The following TAS1R1 variants were observed in gnomAD, a reference collection of about 807,000 sequenced individuals.
TAS1R1 encodes taste receptor type 1 member 1.
Under a neutral mutation model 45.8 loss-of-function variants are expected in TAS1R1, and 31 were observed. That is an observed-to-expected ratio of 0.68 (90% CI 0.51 to 0.91). The LOEUF (loss-of-function observed/expected upper bound fraction) is 0.91, where lower values mean the gene tolerates loss of function less well. TAS1R1 is among the 40% of genes least tolerant of loss of function. TAS1R1 has a pLI of 0.00. For synonymous variants in TAS1R1, 437 were observed against 448.4 expected, an observed-to-expected ratio of 0.97 and a Z score of 0.32; for missense variants, 1,051 against 1,063.9, an observed-to-expected ratio of 0.99 and a Z score of 0.17.
chr1:6,573,546 A>G (rs1371530482), intron 2 of TAS1R1, among the ~76,000 whole-genome samples: 2 of 152,112 alleles, frequency 1.3e-5, no homozygotes, highest in Non-Finnish European at 2.9e-5. Flanking sequence ...GTGGCCCCCA[A>G]CCTTTTCGGC....
At chr1:6,573,231 G>A (rs2148673899) in intron 2 of TAS1R1, among the ~76,000 whole-genome samples, 1 of 152,296 alleles carries the variant, frequency 6.6e-6, no homozygotes, top group Admixed American at 6.5e-5. Flanking sequence ...GGCTAAGGTG[G>A]GCAGCTCATG....
In TAS1R1 at chr1:6,579,086, C is replaced by T. The variant is rs1057118601; in HGVS notation, c.2028C>T (p.Asn676=). ...CATTCTACCACGCCTGGGTCCAAAA[C>T]CACGGTGCTGGCCTGTTTGTGATGA... ...VPTFYHAWVQ[N]HGAGLFVMIS... Residue 676 remains asparagine (N), a synonymous_variant, in exon 6 of 6, where the codon AAC becomes AAT. Coordinates refer to ENST00000333172, the MANE Select transcript of TAS1R1 (RefSeq NM_138697.4). The T allele has an allele frequency of 6.2e-7, 1 of 1,613,748 alleles. No homozygotes were observed. Among genetic ancestry groups the T allele is most frequent in the Admixed American group, 1.7e-5 (1 of 59,990 alleles).
Position 6,571,226 on chromosome 1 carries a change from G to T in TAS1R1, c.498+11G>T. ...TTCCTGGTGCCCATGGTAAGCTGGA[G>T]CCTCAGACCTTTGCCCATCTCCCTT... is the stretch of plus-strand genomic sequence containing the variant. On this transcript the variant is annotated intron_variant, in intron 2 of 5. Transcript: ENST00000333172. The T allele has an allele frequency of 3.2e-6, 5 of 1,544,790 alleles. No homozygotes were observed. Among genetic ancestry groups the T allele is most frequent in the Non-Finnish European group, 4.4e-6 (5 of 1,146,410 alleles).
At chr1:6,561,357 A>G (rs116404535) in intron 1 of TAS1R1, among the ~76,000 whole-genome samples, 2 of 152,110 alleles carry the variant, frequency 1.3e-5, no homozygotes, top group African/African-American at 4.8e-5. Flanking sequence ...TGCGCAGTCC[A>G]CCTTTTTCGG....
chr1:6,557,002 C>T (rs1344758192), intron 1 of TAS1R1, among the ~76,000 whole-genome samples: 1 of 90,060 alleles, frequency 1.1e-5, no homozygotes, highest in African/African-American at 4.3e-5. Flanking sequence ...GAGCGAGGCT[C>T]CATCTCAAAA....
At chr1:6,564,613 G>C (rs1327462767) in intron 1 of TAS1R1, among the ~76,000 whole-genome samples, 1 of 152,108 alleles carries the variant, frequency 6.6e-6, no homozygotes, top group Admixed American at 6.6e-5. Flanking sequence ...GTTCAGTATG[G>C]GATATGGAGG....
chr1:6,562,101 AC>A (rs1439194392), intron 1 of TAS1R1, among the ~76,000 whole-genome samples: 23 of 152,214 alleles, frequency 1.5e-4, no homozygotes, highest in South Asian at 2.1e-4. Flanking sequence ...ACATATGGCT[AC>A]TTGAGATAAT....
Position 6,555,322 on chromosome 1 carries a change from G to A in TAS1R1, c.-52G>A. 2 of 1,478,642 alleles carry A rather than the reference G, an allele frequency of 1.4e-6. No individual in the cohort carries two copies. The highest frequency in any genetic ancestry group is 1.4e-5 in the African/African-American group (1 of 71,680). 91.6% of individuals were successfully genotyped at this position (1,478,642 alleles called of 1,614,324 possible). A position where few individuals can be genotyped will look rare whatever the true frequency, so the allele number is the denominator to read the frequency against. On this transcript the variant is annotated 5_prime_UTR_variant, in exon 1 of 6. Transcript: ENST00000333172. ...CAGCTGCCTTCTATTTAAGCAACTG[G>A]CCTCCTTAGAGGCCACTCCTTGGCC...
In TAS1R1 at chr1:6,576,371, G is replaced by T. The variant is rs746223493; in HGVS notation, c.1261-44G>T. The T allele has an allele frequency of 1.1e-5, 18 of 1,599,142 alleles. No individual in the cohort carries two copies. In the East Asian group the frequency reaches 3.1e-4, roughly 28 times the overall value. On this transcript the variant is annotated intron_variant, in intron 3 of 5. Transcript: ENST00000333172. The stretch of plus-strand genomic sequence containing the variant: ...GGCCCTTGCTTCTGGGACCATGTGG[G>T]TCTGTGCTGTCTGTGGTGGCTTCAT...
Position 6,571,135 on chromosome 1 carries a change from G to C in TAS1R1, c.418G>C (p.Val140Leu), listed in dbSNP as rs755957533. 3 of 1,612,460 alleles carry C rather than the reference G, an allele frequency of 1.9e-6. No homozygotes were observed. The highest frequency in any genetic ancestry group is 2.5e-6 in the Non-Finnish European group (3 of 1,179,072). Residue 140 changes from valine to leucine, a missense_variant, in exon 2 of 6, where the codon GTG becomes CTG. Transcript: ENST00000333172. ...AGACCTTCTCCACTATTCCCCTACG[G>C]TGCTGGCAGTGATTGGGCCTGACAG... ...QGDLLHYSPT[V>L]LAVIGPDSTN...
chr1:6,575,518 T>TTTTGG, intron 3 of TAS1R1, 126 bp downstream of exon 3: 1 of 1,119,740 alleles, frequency 8.9e-7, no homozygotes, highest in Non-Finnish European at 1.2e-6. Flanking sequence ...AGGTTTTTTG[T>TTTTGG]TTTGTTTTGT....
chr1:6,570,868 CT>C lies in TAS1R1; in HGVS notation c.192-38del. 2.6e-6 allele frequency: 4 copies of C among 1,553,528 alleles called. No homozygotes were observed. The East Asian group carries it at 9.0e-5, about 35-fold the overall frequency. ...AGGAGGCCAGAGGGTCTCAGCAGGC[CT>C]TTGTCCTTCTCAGCTGTCTCTTACT... On this transcript the variant is annotated intron_variant, in intron 1 of 5. Transcript: ENST00000333172.
intron 1 of TAS1R1, among the ~76,000 whole-genome samples, chr1:6,568,601 A>T (rs1435679573): frequency 2.0e-5 from 3 of 152,196 alleles, no homozygotes; most frequent in African/African-American, 7.2e-5. Flanking sequence ...TAAGTTTTTC[A>T]AAATTTACAG....
chr1:6,560,752 G>A lies in TAS1R1; in HGVS notation c.191+5188G>A, dbSNP rs556105011. Among the ~76,000 whole-genome samples the A allele has an allele frequency of 4.6e-5, 7 of 152,290 alleles. No homozygotes were observed. The South Asian group carries it at 1.0e-3, about 23-fold the overall frequency. ...AATCCCAGCACTTTGGGAGGCTGAG[G>A]TGGGCAGATCACGAGGTCAGGAGAT... On this transcript the variant is annotated intron_variant, in intron 1 of 5. Transcript: ENST00000333172.
At chr1:6,567,914 C>T (rs982701656) in intron 1 of TAS1R1, among the ~76,000 whole-genome samples, 9 of 152,176 alleles carry the variant, frequency 5.9e-5, no homozygotes, top group Admixed American at 5.9e-4. Context: ...GGGAGGATTA[C>T]TGCTATCGGG....
chr1:6,569,606 T>C (rs1639957415), intron 1 of TAS1R1, among the ~76,000 whole-genome samples: 1 of 152,014 alleles, frequency 6.6e-6, no homozygotes, highest in African/African-American at 2.4e-5. Context: ...GAGAAGCTCC[T>C]ATGGTGAATG....
rs571244932 is a variant in TAS1R1, at chr1:6,555,470, A to G, written c.97A>G (p.Thr33Ala). 14 of 1,597,720 alleles carry G rather than the reference A, an allele frequency of 8.8e-6. No homozygotes were observed. Among genetic ancestry groups the G allele is most frequent in the Non-Finnish European group, 1.2e-5 (14 of 1,172,348 alleles). The change falls in exon 1 of 6, where the codon ACC becomes GCC. Residue 33 changes from threonine to alanine, a missense_variant. Physicochemically the swap from Thr to Ala is moderately conservative, Grantham distance 58. Coordinates refer to ENST00000333172, the MANE Select transcript of TAS1R1 (RefSeq NM_138697.4). ...CHSTESSPDFTLPGDYLLAGL... is the reference protein window; with the variant it reads ...CHSTESSPDFALPGDYLLAGL... Reference sequence around the variant, plus strand: ...TAGCACGGAGTCTTCTCCTGACTTCACCCTCCCCGGAGATTACCTCCTGGC... The same window carrying G: ...TAGCACGGAGTCTTCTCCTGACTTCGCCCTCCCCGGAGATTACCTCCTGGC...
At chr1:6,573,893 A>T (rs1640087653) in intron 2 of TAS1R1, among the ~76,000 whole-genome samples, 1 of 151,896 alleles carries the variant, frequency 6.6e-6, no homozygotes, top group South Asian at 2.1e-4. Context: ...GCAAACTCCT[A>T]ACCTCGTGAT....
intron 5 of TAS1R1, 39 bp downstream of exon 5, chr1:6,577,109 C>A: frequency 6.2e-7 from 1 of 1,613,218 alleles, no homozygotes; most frequent in Non-Finnish European, 8.5e-7. Flanking sequence ...CCCAGCACTC[C>A]CGGGGGCTGC....
Sources: allele counts gnomAD v4.1 joint callset (sites outside exome capture counted in the v4.1 genomes callset), GRCh38; gene constraint gnomAD v4.1.1; transcripts MANE v1.5; gene names NCBI Gene and HGNC (gene_info 2026-07-23, HGNC 2026-07-21).